DNAJC1: variants seen among roughly 807,000 people sequenced by gnomAD.
DNAJC1 encodes DnaJ heat shock protein family (Hsp40) member C1, also known as dnaJ homolog subfamily C member 1.
In DNAJC1, 58 loss-of-function variants were observed where a neutral mutation model predicts 76.6. The observed-to-expected ratio is 0.76, with a 90% CI of 0.61 to 0.94. The LOEUF is 0.94. Among genes scored for constraint, DNAJC1 ranks in the 40% least tolerant of loss-of-function variants. The probability of loss-of-function intolerance (pLI) is 0.00; values close to 1 mark genes in which losing one functional copy is unlikely to be tolerated. For synonymous variants in DNAJC1, 258 were observed against 267.9 expected, an observed-to-expected ratio of 0.96 and a Z score of 0.36; for missense variants, 689 against 677.3, an observed-to-expected ratio of 1.02 and a Z score of -0.19.
At chr10:21,915,022 G>C (rs1456794690) in intron 6 of DNAJC1, among the ~76,000 whole-genome samples, 1 of 152,176 alleles carries the variant, frequency 6.6e-6, no homozygotes, top group Admixed American at 6.5e-5. Context: ...TAAGGTCCTA[G>C]AGAAGGCATA....
intron 1 of DNAJC1, among the ~76,000 whole-genome samples, chr10:21,961,643 GA>G (rs1236077883): frequency 6.6e-6 from 1 of 152,106 alleles, no homozygotes; most frequent in African/African-American, 2.4e-5. Flanking sequence ...GAAAATTTTG[GA>G]AATTTTGGAT....
chr10:21,942,173 A>G (rs1191481947), intron 1 of DNAJC1, among the ~76,000 whole-genome samples: 1 of 152,216 alleles, frequency 6.6e-6, no homozygotes, highest in Non-Finnish European at 1.5e-5. Context: ...AACAAAAGAA[A>G]AGCAATAGTG....
chr10:21,831,707 G>A (rs185328690), intron 8 of DNAJC1, among the ~76,000 whole-genome samples: 11 of 149,594 alleles, frequency 7.4e-5, no homozygotes, highest in Admixed American at 2.7e-4. Flanking sequence ...GGAGAATGGC[G>A]TGAACCTAGG....
intron 9 of DNAJC1, among the ~76,000 whole-genome samples, chr10:21,781,522 C>A (rs1264558388): frequency 6.6e-6 from 1 of 151,972 alleles, no homozygotes; most frequent in Non-Finnish European, 1.5e-5. Flanking sequence ...GAGATCAAGA[C>A]CATCCTGGCT....
At chr10:21,971,420 T>G (rs1188883948) in intron 1 of DNAJC1, among the ~76,000 whole-genome samples, 2 of 151,872 alleles carry the variant, frequency 1.3e-5, no homozygotes, top group South Asian at 4.1e-4. Context: ...CTCTTTGTTA[T>G]GTATTTATAA....
chr10:21,837,967 G>C (rs1202214205), intron 8 of DNAJC1, among the ~76,000 whole-genome samples: 1 of 149,312 alleles, frequency 6.7e-6, no homozygotes, highest in Non-Finnish European at 1.5e-5. Context: ...GGGAGGTGGG[G>C]GGCAGTCCCC....
intron 6 of DNAJC1, 27 bp from the exon 7 acceptor site, chr10:21,904,639 T>C (rs774119328): frequency 2.1e-6 from 3 of 1,419,942 alleles, no homozygotes; most frequent in Non-Finnish European, 2.9e-6. Context: ...ATACATAAAT[T>C]AACATAAAAA....
intron 1 of DNAJC1, among the ~76,000 whole-genome samples, chr10:21,970,774 G>T (rs910715669): frequency 6.6e-6 from 1 of 151,470 alleles, no homozygotes; most frequent in African/African-American, 2.4e-5. Context: ...CTCTGATTAT[G>T]GTATGAAAAA....
chr10:21,884,591 G>T (rs899660226), intron 7 of DNAJC1, among the ~76,000 whole-genome samples: 2 of 152,108 alleles, frequency 1.3e-5, no homozygotes, highest in Non-Finnish European at 2.9e-5. Context: ...GGGTATGTAT[G>T]TATTTGTGTG....
intron 1 of DNAJC1, among the ~76,000 whole-genome samples, chr10:21,988,417 A>G (rs1244827677): frequency 6.6e-6 from 1 of 152,196 alleles, no homozygotes; most frequent in African/African-American, 2.4e-5. Flanking sequence ...CTCAAATTAT[A>G]CAAAAACTGA....
At chr10:21,936,846 G>T (rs1236973215) in intron 1 of DNAJC1, among the ~76,000 whole-genome samples, 1 of 152,064 alleles carries the variant, frequency 6.6e-6, no homozygotes, top group Non-Finnish European at 1.5e-5. Context: ...TACAAAAAAG[G>T]TAGTAATGGA....
chr10:21,979,071 CT>C (rs1033856071), intron 1 of DNAJC1, among the ~76,000 whole-genome samples: 18 of 151,372 alleles, frequency 1.2e-4, no homozygotes, highest in Admixed American at 4.6e-4. Flanking sequence ...TTTTTTTCCC[CT>C]GGCACATTCA....
chr10:21,924,820 G>A (rs1055878279), intron 3 of DNAJC1, among the ~76,000 whole-genome samples: 6 of 152,130 alleles, frequency 3.9e-5, no homozygotes, highest in African/African-American at 1.4e-4. Context: ...TACACATGTA[G>A]GCTATATGGT....
At chr10:21,809,938 T>G (rs1384592220) in intron 8 of DNAJC1, among the ~76,000 whole-genome samples, 6 of 151,910 alleles carry the variant, frequency 3.9e-5, no homozygotes, top group African/African-American at 1.5e-4. Context: ...ACATGGCCTT[T>G]CATGTGTGTG....
intron 9 of DNAJC1, among the ~76,000 whole-genome samples, chr10:21,787,022 T>G (rs1048252525): frequency 1.3e-5 from 2 of 152,100 alleles, no homozygotes; most frequent in African/African-American, 2.4e-5. Flanking sequence ...GTTCTAAAAT[T>G]TACTCAGAGA....
At chr10:21,833,731 T>C (rs573664039) in intron 8 of DNAJC1, among the ~76,000 whole-genome samples, 3 of 152,242 alleles carry the variant, frequency 2.0e-5, no homozygotes, top group African/African-American at 7.2e-5. Context: ...TGTTAGCTAA[T>C]ATTCAGGACA....
chr10:21,940,476 G>C (rs1837389129), intron 1 of DNAJC1, among the ~76,000 whole-genome samples: 1 of 152,142 alleles, frequency 6.6e-6, no homozygotes, highest in African/African-American at 2.4e-5. Flanking sequence ...GCTGATAAGA[G>C]AACATTTATT....
At chr10:21,781,999 C>T (rs181713516) in intron 9 of DNAJC1, among the ~76,000 whole-genome samples, 26 of 151,848 alleles carry the variant, frequency 1.7e-4, no homozygotes, top group Admixed American at 1.5e-3. Flanking sequence ...GAAGCAAGAG[C>T]GAACACATTC....
chr10:21,832,884 T>C (rs1389895512), intron 8 of DNAJC1, among the ~76,000 whole-genome samples: 1 of 152,224 alleles, frequency 6.6e-6, no homozygotes, highest in East Asian at 1.9e-4. Flanking sequence ...ATTTTCTCTT[T>C]ATCATTTCAA....
Sources: allele counts gnomAD v4.1 joint callset (sites outside exome capture counted in the v4.1 genomes callset), GRCh38; gene constraint gnomAD v4.1.1; transcripts MANE v1.5; gene names NCBI Gene and HGNC (gene_info 2026-07-23, HGNC 2026-07-21).